The following PPARD variants were observed in gnomAD, a reference collection of about 807,000 sequenced individuals.
The protein encoded by PPARD is peroxisome proliferator-activated receptor delta.
Under a neutral mutation model 39.5 loss-of-function variants are expected in PPARD, and 6 were observed. The observed-to-expected ratio is 0.15, with a 90% CI of 0.08 to 0.30. The LOEUF (loss-of-function observed/expected upper bound fraction) is 0.30, where lower values mean the gene tolerates loss of function less well. Among genes scored for constraint, PPARD ranks in the 10% least tolerant of loss-of-function variants. The pLI is 1.00. For missense variants in PPARD, 397 were observed against 596.8 expected, an observed-to-expected ratio of 0.67 and a Z score of 3.49; for synonymous variants, 210 against 231.3, an observed-to-expected ratio of 0.91 and a Z score of 0.83.
chr6:35,396,214 T>TC (rs969863880), intron 2 of PPARD, among the ~76,000 whole-genome samples: 22 of 148,270 alleles, frequency 1.5e-4, no homozygotes, highest in African/African-American at 5.2e-4. Context: ...TTCTTCTTCT[T>TC]TTTTTTTTTA....
chr6:35,360,439 G>C (rs948892068), intron 2 of PPARD, among the ~76,000 whole-genome samples: 2 of 152,174 alleles, frequency 1.3e-5, no homozygotes, highest in African/African-American at 4.8e-5. Flanking sequence ...GCCTGCAAGA[G>C]GTGTGTAGTG....
intron 2 of PPARD, among the ~76,000 whole-genome samples, chr6:35,390,101 C>T (rs979815054): frequency 1.3e-5 from 2 of 152,222 alleles, no homozygotes; most frequent in African/African-American, 4.8e-5. Context: ...CCTGTGTTCT[C>T]GGCTGCGTTG....
At chr6:35,379,489 T>C (rs545577829) in intron 2 of PPARD, among the ~76,000 whole-genome samples, 1 of 152,354 alleles carries the variant, frequency 6.6e-6, no homozygotes, top group African/African-American at 2.4e-5. Context: ...TAAGCAACTA[T>C]GTGTTCAGTA....
intron 2 of PPARD, among the ~76,000 whole-genome samples, chr6:35,351,861 CTTTTTTT>C (rs774957372): frequency 1.3e-4 from 11 of 87,360 alleles, no homozygotes; most frequent in African/African-American, 5.6e-4. Context: ...CACACCCAGC[CTTTTTTT>C]TTTTTTTTTT....
chr6:35,367,162 G>C (rs1410947522), intron 2 of PPARD, among the ~76,000 whole-genome samples: 1 of 152,180 alleles, frequency 6.6e-6, no homozygotes, highest in Non-Finnish European at 1.5e-5. Context: ...AGATAACACT[G>C]TAACAGGAAG....
rs186437851 is a variant in PPARD at position 35,379,354 on chromosome 6, A to T, written c.-101-31633A>T. On this transcript the variant is annotated intron_variant, in intron 2 of 7. Transcript: ENST00000360694. The stretch of plus-strand genomic sequence containing the variant: ...CCTGACCTTGTGGTCTGCCCACCTT[A>T]GCCTCCCAAAGTGCTGGTATTACAG... Among the ~76,000 whole-genome samples the T allele has an allele frequency of 2.7e-4, 41 of 152,078 alleles. No individual in the cohort carries two copies. In the East Asian group the frequency reaches 7.9e-3, roughly 29 times the overall value.
At position 35,428,112 on chromosome 6, in the gene PPARD, G is replaced by C. The variant is rs975410949; in HGVS notation, c.*2033G>C. Reference sequence around the variant, plus strand: ...TTTTTGCTAGGAGCCCCAGCTTCCTGTGTTTTTAATATAAATAGTGTACAC... The same window carrying C: ...TTTTTGCTAGGAGCCCCAGCTTCCTCTGTTTTTAATATAAATAGTGTACAC... On this transcript the variant is annotated 3_prime_UTR_variant, in exon 8 of 8. Transcript: ENST00000360694. 6.6e-6 allele frequency: 1 copy of C among 152,660 alleles called. No homozygotes were observed. Among genetic ancestry groups the C allele is most frequent in the African/African-American group, 2.4e-5 (1 of 41,464 alleles). 9.5% of individuals were successfully genotyped at this position (152,660 alleles called of 1,614,324 possible).
At chr6:35,378,995 T>C (rs1322246896) in intron 2 of PPARD, among the ~76,000 whole-genome samples, 5 of 152,010 alleles carry the variant, frequency 3.3e-5, no homozygotes, top group Non-Finnish European at 5.9e-5. Flanking sequence ...TGATGAACAA[T>C]GACAGCACCA....
intron 1 of PPARD, among the ~76,000 whole-genome samples, chr6:35,343,813 A>G (rs1163238808): frequency 6.6e-6 from 1 of 151,564 alleles, no homozygotes; most frequent in African/African-American, 2.4e-5. Flanking sequence ...GTGTCTTTCC[A>G]CTCTGGATGT....
Position 35,426,315 on chromosome 6 carries a change from T to G in PPARD, c.*236T>G. Reference sequence around the variant, plus strand: ...TCCCTCTTTCTCAGTTCCTCTTTCTTTTCTAATTCCTGTTGCTCTGTTTCT... The same window carrying G: ...TCCCTCTTTCTCAGTTCCTCTTTCTGTTCTAATTCCTGTTGCTCTGTTTCT... On this transcript the variant is annotated 3_prime_UTR_variant, in exon 8 of 8. Transcript: ENST00000360694. 1.7e-6 allele frequency: 1 copy of G among 582,274 alleles called. No homozygotes were observed. The highest frequency in any genetic ancestry group is 3.0e-6 in the Non-Finnish European group (1 of 331,316). The allele number at this position is 582,274 out of a possible 1,614,324, so 36.1% of individuals were successfully genotyped here.
intron 2 of PPARD, among the ~76,000 whole-genome samples, chr6:35,389,501 A>C (rs1763887117): frequency 6.6e-6 from 1 of 151,920 alleles, no homozygotes; most frequent in South Asian, 2.1e-4. Flanking sequence ...TAGTAGAGAC[A>C]GGGGTTTCAC....
Position 35,401,772 on chromosome 6 carries a change from G to A in PPARD, c.-101-9215G>A, listed in dbSNP as rs1048869157. Among the ~76,000 whole-genome samples, 1 of 152,204 alleles carries A rather than the reference G, an allele frequency of 6.6e-6. No homozygotes were observed. The highest frequency in any genetic ancestry group is 1.9e-4 in the East Asian group (1 of 5,192). ...GGTCATTGCTGGCTAATGTAGCCTG[G>A]CACATGGTGGTAGGTACTTGACAAA... On this transcript the variant is annotated intron_variant, in intron 2 of 7. Coordinates refer to ENST00000360694, the MANE Select transcript of PPARD (RefSeq NM_006238.5). This position sits in a 1 kb window ranked among gnomAD's most constrained non-coding sequence, Gnocchi z 4.1.
rs1387501004 is a variant in PPARD at position 35,366,313 on chromosome 6, CA to C, written c.-102+19164del. Among the ~76,000 whole-genome samples the C allele has an allele frequency of 6.6e-6, 1 of 151,664 alleles. No homozygotes were observed. The highest frequency in any genetic ancestry group is 6.5e-5 in the Admixed American group (1 of 15,268). On this transcript the variant is annotated intron_variant, in intron 2 of 7. Coordinates refer to ENST00000360694, the MANE Select transcript of PPARD (RefSeq NM_006238.5). The surrounding 1 kb of genome is among the most constrained non-coding windows in gnomAD (Gnocchi z 4.6). ...GATTGGCCAAGGCAACAGATGGAGCCATGATTGTGGACAATCTTACATACTT... is the reference window on the plus strand; with the variant it reads ...GATTGGCCAAGGCAACAGATGGAGCCTGATTGTGGACAATCTTACATACTT...
chr6:35,383,786 T>A (rs567870479), intron 2 of PPARD, among the ~76,000 whole-genome samples: 8 of 142,682 alleles, frequency 5.6e-5, no homozygotes, highest in Non-Finnish European at 1.0e-4. Context: ...GGAGACCCTC[T>A]GCCCGGCAAC....
chr6:35,421,682 C>T, intron 4 of PPARD, 138 bp from the exon 5 acceptor site: 1 of 842,892 alleles, frequency 1.2e-6, no homozygotes, highest in African/African-American at 1.7e-5. Context: ...TTTCCTTCTC[C>T]ATCTCCCCTC....
intron 3 of PPARD, among the ~76,000 whole-genome samples, chr6:35,413,371 T>C (rs1188126618): frequency 2.0e-5 from 3 of 152,186 alleles, no homozygotes; most frequent in Non-Finnish European, 4.4e-5. Flanking sequence ...GAAGTGGAGA[T>C]AGACTTCCTT....
At chr6:35,419,343 T>C (rs922525934) in intron 3 of PPARD, among the ~76,000 whole-genome samples, 1 of 152,186 alleles carries the variant, frequency 6.6e-6, no homozygotes, top group African/African-American at 2.4e-5. Context: ...CAAAGGGCAC[T>C]GGGAAGAGAA....
chr6:35,425,276 A>G lies in PPARD; in HGVS notation c.1078+497A>G. On this transcript the variant is annotated intron_variant, in intron 7 of 7. Coordinates refer to ENST00000360694, the MANE Select transcript of PPARD (RefSeq NM_006238.5). The surrounding 1 kb of genome is among the most constrained non-coding windows in gnomAD (Gnocchi z 4.5). ...GTGACAGAGTGAGACCCTGTCTCAA[A>G]AAAAAGGAAAAGGACTAACAGGCAG... The G allele has an allele frequency of 1.0e-6, 1 of 1,002,840 alleles. No homozygotes were observed. The highest frequency in any genetic ancestry group is 1.2e-6 in the Non-Finnish European group (1 of 839,308). 62.1% of individuals were successfully genotyped at this position (1,002,840 alleles called of 1,614,324 possible).
intron 2 of PPARD, chr6:35,348,348 C>G: frequency 1.0e-6 from 1 of 985,362 alleles, no homozygotes; most frequent in Non-Finnish European, 1.2e-6. Context: ...AGAATTGTTT[C>G]TTCCATCTCT....
Sources: allele counts gnomAD v4.1 joint callset (sites outside exome capture counted in the v4.1 genomes callset), GRCh38; gene constraint gnomAD v4.1.1; non-coding constraint Gnocchi (gnomAD v3.1); transcripts MANE v1.5; gene names NCBI Gene and HGNC (gene_info 2026-07-23, HGNC 2026-07-21).